The following RBFOX3 variants were observed in gnomAD, a reference collection of about 807,000 sequenced individuals.
RBFOX3 encodes RNA binding protein fox-1 homolog 3.
RBFOX3 carries 17 observed loss-of-function variants against 48.7 expected under a neutral mutation model. The observed-to-expected ratio is 0.35, with a 90% confidence interval of 0.24 to 0.52. The LOEUF is 0.52. Ranked by LOEUF, RBFOX3 falls within the 20% of genes least tolerant of loss-of-function variation. RBFOX3 has a pLI of 0.94. For missense variants in RBFOX3, 382 were observed against 497.5 expected, an observed-to-expected ratio of 0.77 and a Z score of 2.21; for synonymous variants, 212 against 209.5, an observed-to-expected ratio of 1.01 and a Z score of -0.10.
At chr17:79,286,254 G>A (rs2071847612) in intron 3 of RBFOX3, among the ~76,000 whole-genome samples, 1 of 152,186 alleles carries the variant, frequency 6.6e-6, no homozygotes, top group South Asian at 2.1e-4. Context: ...GAACTTTCTA[G>A]GACTTTCTGC....
intron 1 of RBFOX3, chr17:79,601,005 GGCA>G (rs2093692309): frequency 6.6e-6 from 1 of 152,410 alleles, no homozygotes; most frequent in African/African-American, 2.4e-5. Flanking sequence ...GAGAGAGCCA[GGCA>G]GCAGGAGAAA....
chr17:79,419,556 G>A (rs1007981249), intron 2 of RBFOX3, among the ~76,000 whole-genome samples: 2 of 152,190 alleles, frequency 1.3e-5, no homozygotes, highest in Non-Finnish European at 2.9e-5. Context: ...GTTCACAAAC[G>A]CCTGCAGCTC....
At chr17:79,658,107 T>A in the RBFOX3 span, among the ~76,000 whole-genome samples, 3 of 152,170 alleles carry the variant, frequency 2.0e-5, no homozygotes, top group African/African-American at 7.2e-5. Flanking sequence ...TACTCGTGGT[T>A]TTTTTAAGTC....
intron 2 of RBFOX3, among the ~76,000 whole-genome samples, chr17:79,453,632 G>A (rs1479086158): frequency 4.6e-5 from 7 of 152,190 alleles, no homozygotes; most frequent in Non-Finnish European, 1.0e-4. Flanking sequence ...GTGCGGAGAT[G>A]TGTGGGTATG....
rs550996575 is a variant in RBFOX3, at chr17:79,414,755, TGAACAGCCTCTGCACTCCCGCTGGCGC to T, written c.-175+67672_-175+67698del. Among the ~76,000 whole-genome samples the T allele has an allele frequency of 7.6e-3, 1,164 of 152,360 alleles. 19 individuals carry two copies. The highest frequency in any genetic ancestry group is 0.027 in the African/African-American group (1,110 of 41,576). ...GAAGACAGCGTGCCCACGGGAGGACTGAACAGCCTCTGCACTCCCGCTGGCGCGAACAGGCTCTGGTGAAAAGATGGG... is the reference window on the plus strand; with the variant it reads ...GAAGACAGCGTGCCCACGGGAGGACTGAACAGGCTCTGGTGAAAAGATGGG... On this transcript the variant is annotated intron_variant, in intron 2 of 14. Transcript: ENST00000693108.
At chr17:79,185,405 A>G (rs1408468214) in intron 4 of RBFOX3, among the ~76,000 whole-genome samples, 2 of 152,212 alleles carry the variant, frequency 1.3e-5, no homozygotes, top group African/African-American at 4.8e-5. Context: ...TGGGCCAGGA[A>G]GATGAGGTGG....
intron 4 of RBFOX3, among the ~76,000 whole-genome samples, chr17:79,175,556 C>T (rs2050347422): frequency 6.6e-6 from 1 of 152,258 alleles, no homozygotes; most frequent in Non-Finnish European, 1.5e-5. Flanking sequence ...CAGCCCTCTT[C>T]CTGTCTCCAG....
intron 5 of RBFOX3, among the ~76,000 whole-genome samples, chr17:79,108,147 A>G (rs2077765728): frequency 6.6e-6 from 1 of 152,214 alleles, no homozygotes; most frequent in African/African-American, 2.4e-5. Context: ...CCACACACGG[A>G]GAACCCCTCC....
At chr17:79,145,528 G>C (rs1906201077) in intron 4 of RBFOX3, among the ~76,000 whole-genome samples, 1 of 152,224 alleles carries the variant, frequency 6.6e-6, no homozygotes, top group Non-Finnish European at 1.5e-5. Flanking sequence ...GTTCTCCGGA[G>C]CCAGCCCACA....
chr17:79,092,059 C>A (rs980460112), intron 14 of RBFOX3: 11 of 985,496 alleles, frequency 1.1e-5, no homozygotes, highest in Non-Finnish European at 1.3e-5. Context: ...ACCCTCAGGC[C>A]GGGGAGACCC....
At chr17:79,402,081 T>G (rs1281373115) in intron 2 of RBFOX3, among the ~76,000 whole-genome samples, 1 of 151,922 alleles carries the variant, frequency 6.6e-6, no homozygotes, top group Non-Finnish European at 1.5e-5. Context: ...GAGCCCAGGG[T>G]GGAGGACCCA....
At chr17:79,464,300 T>C (rs1447319348) in intron 2 of RBFOX3, among the ~76,000 whole-genome samples, 2 of 152,126 alleles carry the variant, frequency 1.3e-5, no homozygotes, top group African/African-American at 2.4e-5. Flanking sequence ...CAGAAAGACG[T>C]TGGGGGAAAT....
chr17:79,408,632 T>C (rs2063869356), intron 2 of RBFOX3, among the ~76,000 whole-genome samples: 1 of 152,214 alleles, frequency 6.6e-6, no homozygotes, highest in African/African-American at 2.4e-5. Context: ...TAGGAGACCC[T>C]GTTCTGAGAA....
chr17:79,453,962 C>T (rs1005037593), intron 2 of RBFOX3, among the ~76,000 whole-genome samples: 13 of 152,166 alleles, frequency 8.5e-5, no homozygotes, highest in African/African-American at 2.4e-4. Context: ...AGGCCATGAC[C>T]TGGGGCGGTG....
At chr17:79,281,409 C>G (rs749443497) in intron 3 of RBFOX3, among the ~76,000 whole-genome samples, 6 of 147,606 alleles carry the variant, frequency 4.1e-5, no homozygotes, top group Non-Finnish European at 9.0e-5. Flanking sequence ...CTGGAGGAGC[C>G]GCAGGCTTGT....
chr17:79,211,047 G>A (rs552000170), intron 4 of RBFOX3, among the ~76,000 whole-genome samples: 3 of 151,160 alleles, frequency 2.0e-5, no homozygotes, highest in Admixed American at 1.3e-4. Flanking sequence ...GCTATGGTGT[G>A]CGGCTTGGGC....
chr17:79,492,898 G>A (rs2080901531), intron 1 of RBFOX3, among the ~76,000 whole-genome samples: 1 of 152,140 alleles, frequency 6.6e-6, no homozygotes. Context: ...GAGGGAGGAG[G>A]AAGAGCCCTC....
chr17:79,182,764 A>G (rs1380795), intron 4 of RBFOX3, among the ~76,000 whole-genome samples: 149,605 of 151,090 alleles, frequency 0.99, 74,082 homozygotes, highest in East Asian at 1. Context: ...CGGGTGGCCC[A>G]CCTCCCCCGC....
At chr17:79,121,881 G>C (rs973424403) in intron 4 of RBFOX3, among the ~76,000 whole-genome samples, 2 of 152,112 alleles carry the variant, frequency 1.3e-5, no homozygotes, top group Admixed American at 1.3e-4. Context: ...CAATCCCAAA[G>C]TTTTATCTCC....
Sources: allele counts gnomAD v4.1 joint callset (sites outside exome capture counted in the v4.1 genomes callset), GRCh38; gene constraint gnomAD v4.1.1; transcripts MANE v1.5; gene names NCBI Gene and HGNC (gene_info 2026-07-23, HGNC 2026-07-21).